The following ZEB1 variants were observed in gnomAD, a reference collection of about 807,000 sequenced individuals.
ZEB1 encodes the protein zinc finger E-box-binding homeobox 1.
Under a neutral mutation model 84.9 loss-of-function variants are expected in ZEB1, and 21 were observed. The ratio of observed to expected loss-of-function variants is 0.25; its 90% CI spans 0.18 to 0.36. The LOEUF is 0.36. Ranked by LOEUF, ZEB1 falls within the 10% of genes least tolerant of loss-of-function variation. The probability of loss-of-function intolerance (pLI) is 1.00; values close to 1 mark genes in which losing one functional copy is unlikely to be tolerated. For missense variants in ZEB1, 1,104 were observed against 1,330.2 expected, an observed-to-expected ratio of 0.83 and a Z score of 2.65; for synonymous variants, 420 against 471.1, an observed-to-expected ratio of 0.89 and a Z score of 1.41.
chr10:31,471,500 A>G (rs1420705668), intron 2 of ZEB1, among the ~76,000 whole-genome samples: 2 of 150,866 alleles, frequency 1.3e-5, no homozygotes, highest in Non-Finnish European at 3.0e-5. Context: ...CAATTCAACA[A>G]GAAGAGCTAA....
intron 1 of ZEB1, among the ~76,000 whole-genome samples, chr10:31,457,401 C>A (rs997853220): frequency 5.3e-5 from 8 of 152,052 alleles, no homozygotes; most frequent in African/African-American, 1.9e-4. Context: ...TTAATATCAG[C>A]AGTTTTCACT....
At chr10:31,374,854 G>A (rs1021155793) in intron 1 of ZEB1, 10 of 151,838 alleles carry the variant, frequency 6.6e-5, no homozygotes, top group Non-Finnish European at 1.3e-4. Context: ...TCTTACGTGA[G>A]AATTTCACTT....
chr10:31,337,713 T>C (rs575154080), intron 1 of ZEB1, among the ~76,000 whole-genome samples: 10 of 134,278 alleles, frequency 7.4e-5, no homozygotes, highest in African/African-American at 2.5e-4. Flanking sequence ...TTTGATGGAG[T>C]CTTGCTGTGT....
At chr10:31,455,136 A>C (rs1456494168) in intron 1 of ZEB1, among the ~76,000 whole-genome samples, 3 of 152,218 alleles carry the variant, frequency 2.0e-5, no homozygotes, top group African/African-American at 7.2e-5. Flanking sequence ...GATCTTTGAC[A>C]AACCTGACAC....
chr10:31,334,371 A>G (rs542952780), intron 1 of ZEB1, among the ~76,000 whole-genome samples: 60 of 152,256 alleles, frequency 3.9e-4, no homozygotes, highest in African/African-American at 1.4e-3. Flanking sequence ...TTTGGAAATT[A>G]ACATGTTTAT....
chr10:31,500,564 G>T (rs1471962995), intron 3 of ZEB1, among the ~76,000 whole-genome samples: 1 of 152,134 alleles, frequency 6.6e-6, no homozygotes, highest in Admixed American at 6.6e-5. Context: ...GCCTTGATTT[G>T]TCAGTAAAGA....
intron 2 of ZEB1, among the ~76,000 whole-genome samples, chr10:31,493,039 T>C (rs904927706): frequency 1.1e-4 from 16 of 152,088 alleles, no homozygotes; most frequent in Non-Finnish European, 1.3e-4. Flanking sequence ...AACAAGCATA[T>C]TGACATTGAT....
chr10:31,385,799 T>C (rs913310890), intron 1 of ZEB1, among the ~76,000 whole-genome samples: 2 of 152,182 alleles, frequency 1.3e-5, no homozygotes, highest in African/African-American at 4.8e-5. Context: ...GTGCTGGAAT[T>C]ACAGGCATGA....
chr10:31,442,762 T>G (rs1427281121), intron 1 of ZEB1, among the ~76,000 whole-genome samples: 2 of 152,110 alleles, frequency 1.3e-5, no homozygotes, highest in Non-Finnish European at 2.9e-5. Context: ...GAGAAGAGAT[T>G]GTTTTGAAAA....
intron 1 of ZEB1, among the ~76,000 whole-genome samples, chr10:31,338,938 CATG>C (rs1258962786): frequency 6.6e-6 from 1 of 152,022 alleles, no homozygotes; most frequent in Non-Finnish European, 1.5e-5. Flanking sequence ...GGGATGTTGA[CATG>C]ATACCTTTGG....
At chr10:31,494,529 G>A (rs180787312) in intron 2 of ZEB1, among the ~76,000 whole-genome samples, 113 of 152,068 alleles carry the variant, frequency 7.4e-4, no homozygotes, top group African/African-American at 2.5e-3. Context: ...CTTGATTAGT[G>A]CTCTATTTCT....
intron 1 of ZEB1, among the ~76,000 whole-genome samples, chr10:31,322,561 A>G (rs1467165303): frequency 6.6e-6 from 1 of 152,200 alleles, no homozygotes; most frequent in Non-Finnish European, 1.5e-5. Flanking sequence ...GGGTAAACCA[A>G]TTGAGTAAGG....
chr10:31,406,699 A>G (rs899205013), intron 1 of ZEB1, among the ~76,000 whole-genome samples: 2 of 151,992 alleles, frequency 1.3e-5, no homozygotes, highest in African/African-American at 4.8e-5. Flanking sequence ...TAGTTTAATT[A>G]CATTCATTTG....
chr10:31,508,277 C>T (rs1380975538), intron 4 of ZEB1, among the ~76,000 whole-genome samples: 2 of 152,116 alleles, frequency 1.3e-5, no homozygotes, highest in Admixed American at 6.5e-5. Flanking sequence ...CTCCAGGTGG[C>T]TTGCTTGGGT....
intron 1 of ZEB1, among the ~76,000 whole-genome samples, chr10:31,336,701 C>T (rs775496365): frequency 4.6e-5 from 7 of 152,058 alleles, no homozygotes; most frequent in Admixed American, 6.6e-5. Flanking sequence ...AGAATAAACT[C>T]GTTTGGCCAA....
rs1015670155 is a variant in ZEB1, at chr10:31,514,538, A to T, written c.688-65A>T. 5.6e-6 allele frequency: 8 copies of T among 1,424,886 alleles called. No individual in the cohort carries two copies. The African/African-American group carries it at 9.9e-5, about 18-fold the overall frequency. The allele number at this position is 1,424,886 out of a possible 1,614,324, so 88.3% of individuals were successfully genotyped here. ...CTCACAAAAATGTCACTCTTAGTAG[A>T]TTGGATGTTCTTTAGTCTAAAGATC... On this transcript the variant is annotated intron_variant, in intron 5 of 8. Coordinates refer to ENST00000424869, the MANE Select transcript of ZEB1 (RefSeq NM_001174096.2).
At chr10:31,393,894 A>AT (rs2050230306) in intron 1 of ZEB1, among the ~76,000 whole-genome samples, 1 of 152,172 alleles carries the variant, frequency 6.6e-6, no homozygotes, top group African/African-American at 2.4e-5. Flanking sequence ...CTCATCATTT[A>AT]TACTGGAGTA....
At chr10:31,368,966 T>C (rs533325673) in intron 1 of ZEB1, among the ~76,000 whole-genome samples, 4 of 152,354 alleles carry the variant, frequency 2.6e-5, no homozygotes, top group African/African-American at 9.6e-5. Context: ...TCTTGTAAGT[T>C]CTGACTTTGA....
At chr10:31,482,145 T>C (rs1466407182) in intron 2 of ZEB1, among the ~76,000 whole-genome samples, 3 of 152,018 alleles carry the variant, frequency 2.0e-5, no homozygotes, top group African/African-American at 7.2e-5. Flanking sequence ...GATGATAATA[T>C]CACCAGTAAT....
Sources: gnomAD v4.1 joint callset for allele counts (sites outside exome capture counted in the v4.1 genomes callset) on GRCh38, gnomAD v4.1.1 for gene constraint, MANE v1.5 for transcripts, NCBI Gene and HGNC (gene_info 2026-07-23, HGNC 2026-07-21) for gene names.